Variants in PCSK6 observed in about 807,000 individuals in gnomAD.
The protein encoded by PCSK6 is proprotein convertase subtilisin/kexin type 6.
In PCSK6, 85 loss-of-function variants were observed where a neutral mutation model predicts 123.3. The observed-to-expected ratio is 0.69, with a 90% CI of 0.58 to 0.83. PCSK6 has a LOEUF of 0.83. PCSK6 is among the 40% of genes least tolerant of loss of function. The pLI is 0.00. For missense variants in PCSK6, 1,191 were observed against 1,282.3 expected (o/e 0.93, Z 1.09); for synonymous variants, 508 against 516.0 (o/e 0.98, Z 0.21).
intron 11 of PCSK6, among the ~76,000 whole-genome samples, chr15:101,374,917 A>G (rs2041688827): frequency 6.6e-6 from 1 of 151,766 alleles, no homozygotes; most frequent in Admixed American, 6.6e-5. Context: ...TTCCTTATTC[A>G]TATGAGTTCA....
chr15:101,403,230 A>G (rs1325507458), intron 6 of PCSK6, among the ~76,000 whole-genome samples: 1 of 132,774 alleles, frequency 7.5e-6, no homozygotes, highest in East Asian at 2.3e-4. Flanking sequence ...ATGAGAACAC[A>G]TGGACACAGG....
chr15:101,382,728 G>A (rs920926220), intron 10 of PCSK6, among the ~76,000 whole-genome samples: 1 of 152,060 alleles, frequency 6.6e-6, no homozygotes, highest in Admixed American at 6.5e-5. Flanking sequence ...ACAGGCTTGC[G>A]AACTGGCCCG....
rs756408332 is a variant in PCSK6, at chr15:101,443,629, T to C, written c.329A>G (p.Tyr110Cys). 6.2e-7 allele frequency: 1 copy of C among 1,613,868 alleles called. No homozygotes were observed. Among genetic ancestry groups the C allele is most frequent in the South Asian group, 1.1e-5 (1 of 91,072 alleles). ...IGNLEDYYHFYHSKTFKRSTL... is the reference protein window; with the variant it reads ...IGNLEDYYHFCHSKTFKRSTL... Reference sequence around the variant, plus strand: ...TGATCTTTTAAAGGTTTTGCTGTGATAAAAATGGTAGTAATCTTCCAGGTT... The same window carrying C: ...TGATCTTTTAAAGGTTTTGCTGTGACAAAAATGGTAGTAATCTTCCAGGTT... The change falls in exon 2 of 22, where the codon TAT becomes TGT. Residue 110 changes from tyrosine (Y) to cysteine (C), a missense_variant. Physicochemically the swap from Tyr to Cys is radical, Grantham distance 194. This residue lies in a region of PCSK6 where 204 missense variants were observed against 166.4 expected (regional missense o/e 1.23). Transcript: ENST00000611716.
At position 101,370,489 on chromosome 15, in the gene PCSK6, C is replaced by T. The variant is rs569127844; in HGVS notation, c.1567G>A (p.Ala523Thr). The T allele has an allele frequency of 1.4e-4, 222 of 1,537,438 alleles. 2 individuals are homozygous for T. The South Asian group carries it at 2.7e-3, about 18-fold the overall frequency. Residue 523 changes from alanine to threonine, a missense_variant, in exon 12 of 22, where the codon GCC becomes ACC. Ala to Thr is a moderately conservative substitution (Grantham distance 58). This residue lies in a region of PCSK6 where 630 missense variants were observed against 631.4 expected (regional missense o/e 1.00). Coordinates refer to ENST00000611716, the MANE Select transcript of PCSK6 (RefSeq NM_002570.5). ...TGCTCCGCGCAGGCGCTGGTCAGGG[C>T]CGTAGTCCGCAGCACCTGCACTAAG... ...IPLVQVLRTT[A>T]LTSACAEHSD...
intron 1 of PCSK6, among the ~76,000 whole-genome samples, chr15:101,451,933 T>A (rs1014451095): frequency 2.6e-5 from 4 of 152,236 alleles, no homozygotes; most frequent in Non-Finnish European, 5.9e-5. Flanking sequence ...CTGGTATTTA[T>A]AATTAAGGAA....
chr15:101,448,123 A>T (rs1295577910), intron 1 of PCSK6, among the ~76,000 whole-genome samples: 1 of 152,252 alleles, frequency 6.6e-6, no homozygotes, highest in Non-Finnish European at 1.5e-5. Context: ...TGGTATCTTC[A>T]CAATGAATTA....
chr15:101,405,805 G>T (rs1279467373), intron 6 of PCSK6, among the ~76,000 whole-genome samples: 1 of 151,516 alleles, frequency 6.6e-6, no homozygotes, highest in Non-Finnish European at 1.5e-5. Flanking sequence ...GTGCAGTGGC[G>T]TGATCTCAGC....
intron 1 of PCSK6, among the ~76,000 whole-genome samples, chr15:101,458,475 G>A (rs1431459300): frequency 5.3e-5 from 8 of 152,094 alleles, no homozygotes; most frequent in Non-Finnish European, 7.4e-5. Context: ...CACAGGACCC[G>A]GCTTCTTAGG....
intron 6 of PCSK6, among the ~76,000 whole-genome samples, chr15:101,403,308 T>C (rs552664715): frequency 8.9e-4 from 131 of 146,494 alleles, no homozygotes; most frequent in African/African-American, 2.8e-3. Flanking sequence ...CATTAGGAGA[T>C]ATACCTAATG....
At chr15:101,450,549 A>C (rs767277602) in intron 1 of PCSK6, among the ~76,000 whole-genome samples, 1 of 152,144 alleles carries the variant, frequency 6.6e-6, no homozygotes, top group Non-Finnish European at 1.5e-5. Flanking sequence ...TTGTCTGTCA[A>C]TTCTCAGGGC....
At chr15:101,328,802 A>G (rs2040314362) in intron 15 of PCSK6, among the ~76,000 whole-genome samples, 1 of 151,774 alleles carries the variant, frequency 6.6e-6, no homozygotes, top group African/African-American at 2.4e-5. Context: ...CTGTAAACAA[A>G]CCTCCCCAGT....
intron 13 of PCSK6, among the ~76,000 whole-genome samples, chr15:101,362,896 C>T (rs745618610): frequency 2.0e-5 from 3 of 152,180 alleles, no homozygotes; most frequent in Non-Finnish European, 2.9e-5. Flanking sequence ...GAACCATAGA[C>T]CCTGGCTTTA....
At chr15:101,358,726 T>C (rs764802131) in intron 13 of PCSK6, among the ~76,000 whole-genome samples, 32 of 152,230 alleles carry the variant, frequency 2.1e-4, no homozygotes, top group Non-Finnish European at 4.4e-4. Context: ...TCAAAAGCAC[T>C]GGGCCCATAC....
chr15:101,447,065 C>T (rs939649587), intron 1 of PCSK6, among the ~76,000 whole-genome samples: 12 of 152,160 alleles, frequency 7.9e-5, no homozygotes, highest in African/African-American at 2.9e-4. Flanking sequence ...TCTCGTCGGC[C>T]CGGATGATGC....
intron 6 of PCSK6, among the ~76,000 whole-genome samples, chr15:101,413,024 G>T (rs12916620): frequency 0.027 from 4,007 of 147,950 alleles, 197 homozygotes; most frequent in African/African-American, 0.093. Flanking sequence ...GGAGGAGGAG[G>T]AGGAGGAGGA....
chr15:101,307,121 T>C, intron 21 of PCSK6, 92 bp downstream of exon 21: 2 of 871,172 alleles, frequency 2.3e-6, no homozygotes, highest in South Asian at 2.9e-5. Flanking sequence ...GGAGCCGCCA[T>C]GCCTATGTGG....
At chr15:101,361,885 G>A (rs924351806) in intron 13 of PCSK6, among the ~76,000 whole-genome samples, 4 of 151,804 alleles carry the variant, frequency 2.6e-5, no homozygotes, top group African/African-American at 9.7e-5. Flanking sequence ...GGAAGCAGAT[G>A]GTGAAGGAGA....
rs759499980 is a variant in PCSK6, at chr15:101,305,386, G to A, written c.2813-31C>T. On this transcript the variant is annotated intron_variant, in intron 21 of 21. Coordinates refer to ENST00000611716, the MANE Select transcript of PCSK6 (RefSeq NM_002570.5). The surrounding 1 kb of genome is among the most constrained non-coding windows in gnomAD (Gnocchi z 4.8). ...GCCCCGCATCAGGAAAGGCAAAAGAGGGAAAGGTCAGTCTTCGGTGCCTGT... is the reference window on the plus strand; with the variant it reads ...GCCCCGCATCAGGAAAGGCAAAAGAAGGAAAGGTCAGTCTTCGGTGCCTGT... The A allele has an allele frequency of 3.0e-5, 47 of 1,580,988 alleles. No homozygotes were observed. Among genetic ancestry groups the A allele is most frequent in the Non-Finnish European group, 3.7e-5 (43 of 1,157,298 alleles).
intron 1 of PCSK6, among the ~76,000 whole-genome samples, chr15:101,471,786 G>A (rs1024565688): frequency 2.0e-5 from 3 of 152,038 alleles, no homozygotes; most frequent in South Asian, 2.1e-4. Flanking sequence ...GTGCCTTCCC[G>A]GTCAACCTCC....
Sources: allele counts gnomAD v4.1 joint callset (sites outside exome capture counted in the v4.1 genomes callset), GRCh38; gene constraint gnomAD v4.1.1; regional missense constraint gnomAD v4.1.1; non-coding constraint Gnocchi (gnomAD v3.1); transcripts MANE v1.5; gene names NCBI Gene and HGNC (gene_info 2026-07-23, HGNC 2026-07-21).